Variants in RSRP1 observed in about 807,000 individuals in gnomAD.
The protein encoded by RSRP1 is arginine and serine rich protein 1.
In RSRP1, 37 loss-of-function variants were observed where a neutral mutation model predicts 33.0. That is an observed-to-expected ratio of 1.12 (90% CI 0.86 to 1.48). The LOEUF (loss-of-function observed/expected upper bound fraction) is 1.48. RSRP1 is among the 40% of genes most tolerant of loss of function. The pLI is 0.00. For synonymous variants in RSRP1, 167 were observed against 158.7 expected, an observed-to-expected ratio of 1.05 and a Z score of -0.40; for missense variants, 402 against 385.3, an observed-to-expected ratio of 1.04 and a Z score of -0.36.
chr1:25,302,395 G>T lies in RSRP1; in HGVS notation c.-67+35583C>A, dbSNP rs528762910. ...GGTGGGGCTCGGGTGGGAGGCACTG[G>T]GGGGGCTGGAGTGGAAAGAATGTGG... On this transcript the variant is annotated intron_variant, in intron 1 of 1. Coordinates refer to the RSRP1 transcript ENST00000561867. Among the ~76,000 whole-genome samples, 18 of 123,732 alleles carry T rather than the reference G, an allele frequency of 1.5e-4. 1 individual carries two copies. In the East Asian group the frequency reaches 3.6e-3, roughly 24 times the overall value. The allele number at this position is 123,732 out of a possible 152,430, so 81.2% of individuals were successfully genotyped here.
Position 25,321,372 on chromosome 1 carries a change from CAG to C in RSRP1, c.-67+16604_-67+16605del, listed in dbSNP as rs1352518727. Among the ~76,000 whole-genome samples the C allele has an allele frequency of 9.8e-5, 12 of 122,520 alleles. 4 individuals are homozygous for C. Among genetic ancestry groups the C allele is most frequent in the Non-Finnish European group, 1.5e-4 (8 of 52,324 alleles). 80.4% of individuals were successfully genotyped at this position (122,520 alleles called of 152,430 possible). On this transcript the variant is annotated intron_variant, in intron 1 of 1. Coordinates refer to the RSRP1 transcript ENST00000561867. ...TTCAAAAAAAAAAAAAAAATGTCTA[CAG>C]AATCGGCCAGGTGTGGTGGCTCATG...
intron 1 of RSRP1, among the ~76,000 whole-genome samples, chr1:25,291,760 G>T (rs1393646831): frequency 1.5e-5 from 2 of 132,752 alleles, no homozygotes; most frequent in African/African-American, 5.1e-5. Context: ...GGGAGAGCCT[G>T]TCGAAAGTCT....
rs563562631 is a variant in RSRP1, at chr1:25,278,272, G to A, written c.-66-31243C>T. Among the ~76,000 whole-genome samples the A allele has an allele frequency of 2.3e-5, 3 of 130,502 alleles. No homozygotes were observed. The East Asian group carries it at 5.9e-4, about 26-fold the overall frequency. 85.6% of individuals were successfully genotyped at this position (130,502 alleles called of 152,430 possible). A position where few individuals can be genotyped will look rare whatever the true frequency, so the allele number is the denominator to read the frequency against. On this transcript the variant is annotated intron_variant, in intron 1 of 1. Transcript: ENST00000561867. ...CCAGTTCCTGAGATGAGAGACAGAAGGGGAGGGACAGGTTGTGAGGATGAA... is the reference window on the plus strand; with the variant it reads ...CCAGTTCCTGAGATGAGAGACAGAAAGGGAGGGACAGGTTGTGAGGATGAA...
At chr1:25,249,464 G>A (rs1302016330), upstream of RSRP1, among the ~76,000 whole-genome samples, 3 of 152,012 alleles carry the variant, frequency 2.0e-5, no homozygotes, top group East Asian at 1.9e-4. Context: ...TCAGTCTCCC[G>A]AGCATCTGGG....
chr1:25,246,923 T>C lies in RSRP1; in HGVS notation c.41A>G (p.Gln14Arg), dbSNP rs770064137. The change falls in exon 2 of 5, where the codon CAG becomes CGG. Residue 14 changes from glutamine (Q) to arginine (R), a missense_variant. Physicochemically the swap from Gln to Arg is conservative, Grantham distance 43. Transcript: ENST00000243189. ...YVNDMWPGSP[Q>R]EKDSPSTSRS... ...CGAGGTCGAGGGCGAATCCTTCTCC[T>C]GCGGCGAGCCCGGCCACATGTCGTT... 6.9e-6 allele frequency: 11 copies of C among 1,593,716 alleles called. No homozygotes were observed. In the East Asian group the frequency reaches 2.5e-4, roughly 36 times the overall value.
Position 25,274,651 on chromosome 1 carries a change from G to A in RSRP1, c.-66-27622C>T, listed in dbSNP as rs1184760837. 5.3e-5 allele frequency among the ~76,000 whole-genome samples: 7 copies of A among 133,280 alleles called. 2 individuals are homozygous for A. Among genetic ancestry groups the A allele is most frequent in the East Asian group, 1.9e-4 (1 of 5,142 alleles). The allele number at this position is 133,280 out of a possible 152,430, so 87.4% of individuals were successfully genotyped here. A position where few individuals can be genotyped will look rare whatever the true frequency, so the allele number is the denominator to read the frequency against. ...GTGAGGGCACAGTGGGTGCCATGGC[G>A]TGCACACACAATAGAGCAGACTGAG... On this transcript the variant is annotated intron_variant, in intron 1 of 1. Transcript: ENST00000561867.
At chr1:25,334,398 A>T (rs1645053256) in intron 1 of RSRP1, among the ~76,000 whole-genome samples, 1 of 132,102 alleles carries the variant, frequency 7.6e-6, no homozygotes, top group Admixed American at 7.3e-5. Context: ...GTACCTTTGC[A>T]GGGTACAGCC....
chr1:25,302,301 C>G (rs1557542580), intron 1 of RSRP1, among the ~76,000 whole-genome samples: 1 of 128,858 alleles, frequency 7.8e-6, no homozygotes, highest in Non-Finnish European at 1.8e-5. Flanking sequence ...GGAGACAAAA[C>G]AAGTTCTCAT....
rs568504672 is a variant in RSRP1 at position 25,306,529 on chromosome 1, G to A, written c.-67+31449C>T. On this transcript the variant is annotated intron_variant, in intron 1 of 1. Transcript: ENST00000561867. ...TGGTGGCCCCGGATACCAAGGGTGT[G>A]TGAAAGGGGTGGGTAGGGAATATGG... 9 of 1,326,166 alleles carry A rather than the reference G, an allele frequency of 6.8e-6. No individual in the cohort carries two copies. The African/African-American group carries it at 1.0e-4, about 15-fold the overall frequency. The allele number at this position is 1,326,166 out of a possible 1,614,324, so 82.1% of individuals were successfully genotyped here. A position where few individuals can be genotyped will look rare whatever the true frequency, so the allele number is the denominator to read the frequency against.
chr1:25,252,365 A>G (rs919956158), upstream of RSRP1, among the ~76,000 whole-genome samples: 6 of 152,068 alleles, frequency 3.9e-5, no homozygotes, highest in African/African-American at 1.4e-4. Flanking sequence ...TGCATTGAGC[A>G]AATAGCAGTG....
At chr1:25,301,179 T>C in intron 1 of RSRP1, 1 of 1,187,662 alleles carries the variant, frequency 8.4e-7, no homozygotes, top group Non-Finnish European at 1.2e-6. Flanking sequence ...ATCTCCCTCC[T>C]TTACCAAGTT....
At chr1:25,295,143 AG>A (rs1395000283) in intron 1 of RSRP1, among the ~76,000 whole-genome samples, 5 of 137,492 alleles carry the variant, frequency 3.6e-5, no homozygotes, top group Non-Finnish European at 7.9e-5. Flanking sequence ...GAGCTGGTTA[AG>A]AAAGGAGAGA....
intron 1 of RSRP1, among the ~76,000 whole-genome samples, chr1:25,300,179 T>C (rs1269342198): frequency 7.6e-6 from 1 of 131,302 alleles, no homozygotes; most frequent in Non-Finnish European, 1.8e-5. Context: ...TGCGTGTCCA[T>C]GTGGGTTTTT....
intron 1 of RSRP1, among the ~76,000 whole-genome samples, chr1:25,314,373 G>A (rs1021658672): frequency 1.5e-5 from 2 of 132,980 alleles, no homozygotes; most frequent in African/African-American, 2.6e-5. Context: ...CTTTTCTTGT[G>A]AAATGTCTAT....
chr1:25,271,381 A>G (rs1262708466), intron 1 of RSRP1, among the ~76,000 whole-genome samples: 1 of 130,910 alleles, frequency 7.6e-6, no homozygotes, highest in Non-Finnish European at 1.8e-5. Flanking sequence ...TGAGTATTTC[A>G]GTGGACAACT....
Position 25,297,103 on chromosome 1 carries a change from T to C in RSRP1, c.-67+40875A>G, listed in dbSNP as rs1446273848. On this transcript the variant is annotated intron_variant, in intron 1 of 1. Coordinates refer to the RSRP1 transcript ENST00000561867. ...TGTGGTCGAGGATTACATCTTGCAT[T>C]TAGTTCTCATGTCTTATTAAATTCC... Among the ~76,000 whole-genome samples the C allele has an allele frequency of 4.1e-5, 5 of 122,694 alleles. 1 individual carries two copies. Among genetic ancestry groups the C allele is most frequent in the African/African-American group, 1.4e-4 (5 of 35,588 alleles). The allele number at this position is 122,694 out of a possible 152,430, so 80.5% of individuals were successfully genotyped here.
In RSRP1 at chr1:25,296,365, C is replaced by A. The variant is rs1298984389; in HGVS notation, c.-67+41613G>T. ...GGATTCAAGCAATTCTTGTGCCTCA[C>A]CCTCCCGAGTAGCTGGGATTAGGGG... On this transcript the variant is annotated intron_variant, in intron 1 of 1. Transcript: ENST00000561867. Among the ~76,000 whole-genome samples the A allele has an allele frequency of 4.1e-5, 5 of 123,300 alleles. 1 individual carries two copies. Among genetic ancestry groups the A allele is most frequent in the Non-Finnish European group, 9.6e-5 (5 of 52,026 alleles). 80.9% of individuals were successfully genotyped at this position (123,300 alleles called of 152,430 possible).
intron 1 of RSRP1, among the ~76,000 whole-genome samples, chr1:25,255,577 T>C (rs921098282): frequency 6.6e-6 from 1 of 151,574 alleles, no homozygotes; most frequent in Non-Finnish European, 1.5e-5. Flanking sequence ...CAGCTGGGGG[T>C]GGGGGGTTGT....
chr1:25,284,424 G>A (rs1290117201), intron 1 of RSRP1: 19 of 791,308 alleles, frequency 2.4e-5, no homozygotes, highest in African/African-American at 3.6e-5. Flanking sequence ...AGAACATTGA[G>A]GCTCAAAGAG....
Sources: gnomAD v4.1 joint callset for allele counts (sites outside exome capture counted in the v4.1 genomes callset) on GRCh38, gnomAD v4.1.1 for gene constraint, MANE v1.5 for transcripts, NCBI Gene and HGNC (gene_info 2026-07-23, HGNC 2026-07-21) for gene names.